SNTG1: variants seen among roughly 807,000 people sequenced by gnomAD.
SNTG1 encodes the protein gamma-1-syntrophin.
SNTG1 carries 39 observed loss-of-function variants against 74.7 expected under a neutral mutation model. The observed-to-expected ratio is 0.52, with a 90% CI of 0.40 to 0.68. The LOEUF is 0.68. Ranked by LOEUF, SNTG1 falls within the 30% of genes least tolerant of loss-of-function variation. The probability of loss-of-function intolerance (pLI) is 0.00; values close to 1 mark genes in which losing one functional copy is unlikely to be tolerated. For synonymous variants in SNTG1, 254 were observed against 217.1 expected, an observed-to-expected ratio of 1.17 and a Z score of -1.49; for missense variants, 685 against 609.5, an observed-to-expected ratio of 1.12 and a Z score of -1.30.
chr8:50,225,059 C>T (rs1179360719), intron 2 of SNTG1, among the ~76,000 whole-genome samples: 2 of 152,056 alleles, frequency 1.3e-5, no homozygotes, highest in African/African-American at 4.8e-5. Flanking sequence ...CAAGCTCTGC[C>T]TCCTGGGTTC....
chr8:50,020,424 CA>C (rs1012039734), intron 1 of SNTG1, among the ~76,000 whole-genome samples: 1 of 152,086 alleles, frequency 6.6e-6, no homozygotes, highest in Admixed American at 6.6e-5. Context: ...CAAGCACAGC[CA>C]AGCCAAGTTT....
intron 13 of SNTG1, among the ~76,000 whole-genome samples, chr8:50,645,988 G>A (rs1227162985): frequency 1.3e-5 from 2 of 152,000 alleles, no homozygotes; most frequent in Non-Finnish European, 2.9e-5. Context: ...TAACATTGCA[G>A]CACTTTGTAA....
intron 1 of SNTG1, among the ~76,000 whole-genome samples, chr8:50,144,664 T>C (rs1008704506): frequency 6.6e-6 from 1 of 152,052 alleles, no homozygotes; most frequent in Non-Finnish European, 1.5e-5. Context: ...ATGCTTCCAT[T>C]TGCACTGCAG....
chr8:50,304,016 G>C (rs966168676), intron 2 of SNTG1, among the ~76,000 whole-genome samples: 1 of 152,132 alleles, frequency 6.6e-6, no homozygotes, highest in Non-Finnish European at 1.5e-5. Flanking sequence ...CACTGGCTCT[G>C]TGCTATTGTT....
intron 12 of SNTG1, 92 bp downstream of exon 12, chr8:50,553,271 GTTC>G (rs1284024393): frequency 2.0e-6 from 3 of 1,486,742 alleles, no homozygotes; most frequent in African/African-American, 2.8e-5. Context: ...ACTGTTTGGT[GTTC>G]TTCTCAGAAT....
At chr8:50,670,866 C>A (rs2095277949) in intron 15 of SNTG1, among the ~76,000 whole-genome samples, 1 of 151,586 alleles carries the variant, frequency 6.6e-6, no homozygotes, top group Non-Finnish European at 1.5e-5. Flanking sequence ...TGGAACAGAA[C>A]AGAGCCCTCA....
chr8:50,109,309 C>T lies in SNTG1; in HGVS notation c.-102-63252C>T, dbSNP rs2080493816. 2.6e-5 allele frequency among the ~76,000 whole-genome samples: 4 copies of T among 152,306 alleles called. No individual in the cohort carries two copies. The South Asian group carries it at 6.2e-4, about 24-fold the overall frequency. On this transcript the variant is annotated intron_variant, in intron 1 of 18. Transcript: ENST00000642720. ...ACAAGGATACAATTAATACCTAATT[C>T]ATGAGAATTTTTTAGCAGATGCAAT...
intron 1 of SNTG1, among the ~76,000 whole-genome samples, chr8:49,944,644 G>A (rs1809001954): frequency 6.7e-6 from 1 of 150,108 alleles, no homozygotes; most frequent in South Asian, 2.1e-4. Context: ...CGAGTTAATG[G>A]GTGCAGCACA....
chr8:50,214,697 A>G (rs2084693217), intron 2 of SNTG1, among the ~76,000 whole-genome samples: 1 of 152,156 alleles, frequency 6.6e-6, no homozygotes. Context: ...TACTAAGCCT[A>G]TATCTCTAAT....
At chr8:50,369,758 C>CTG (rs1024388729) in intron 2 of SNTG1, among the ~76,000 whole-genome samples, 1 of 152,130 alleles carries the variant, frequency 6.6e-6, no homozygotes, top group African/African-American at 2.4e-5. Flanking sequence ...GCCTCCAGAA[C>CTG]TGTGAGTGAT....
At chr8:50,629,695 G>T (rs1035040208) in intron 13 of SNTG1, among the ~76,000 whole-genome samples, 1 of 151,996 alleles carries the variant, frequency 6.6e-6, no homozygotes, top group Non-Finnish European at 1.5e-5. Flanking sequence ...CTCTCCTCTT[G>T]TTACACCTCT....
At chr8:50,591,816 G>C (rs149883120) in intron 13 of SNTG1, among the ~76,000 whole-genome samples, 6 of 152,286 alleles carry the variant, frequency 3.9e-5, no homozygotes, top group African/African-American at 1.4e-4. Context: ...CAGCTCCAGA[G>C]GTCCCCTCCC....
chr8:50,004,844 T>C (rs1490469414), intron 1 of SNTG1, among the ~76,000 whole-genome samples: 1 of 152,114 alleles, frequency 6.6e-6, no homozygotes, highest in Admixed American at 6.6e-5. Flanking sequence ...AGCATTAGAA[T>C]GAACCCGACA....
intron 8 of SNTG1, among the ~76,000 whole-genome samples, chr8:50,476,883 C>CAA (rs1458767706): frequency 1.3e-5 from 2 of 151,630 alleles, no homozygotes; most frequent in African/African-American, 4.9e-5. Flanking sequence ...CACACACACA[C>CAA]ACAGAGGGAT....
At chr8:50,668,957 T>C (rs936932481) in intron 15 of SNTG1, among the ~76,000 whole-genome samples, 2 of 152,068 alleles carry the variant, frequency 1.3e-5, no homozygotes, top group Non-Finnish European at 2.9e-5. Flanking sequence ...GCATGTGTCT[T>C]TATAGCTGAA....
At chr8:50,339,361 G>T (rs2091249399) in intron 2 of SNTG1, among the ~76,000 whole-genome samples, 1 of 151,800 alleles carries the variant, frequency 6.6e-6, no homozygotes, top group Non-Finnish European at 1.5e-5. Context: ...TTAAAAAAGA[G>T]AATTAAAAAA....
At chr8:50,099,374 A>G (rs1409018368) in intron 1 of SNTG1, among the ~76,000 whole-genome samples, 2 of 152,142 alleles carry the variant, frequency 1.3e-5, no homozygotes, top group South Asian at 4.1e-4. Context: ...TGATTATTCA[A>G]GAACATTGAT....
At chr8:50,042,770 C>T (rs1818750356) in intron 1 of SNTG1, among the ~76,000 whole-genome samples, 1 of 151,762 alleles carries the variant, frequency 6.6e-6, no homozygotes, top group South Asian at 2.1e-4. Flanking sequence ...GCATTGTTCC[C>T]CAGACTAGTC....
At chr8:50,005,725 T>C (rs1815157464) in intron 1 of SNTG1, among the ~76,000 whole-genome samples, 1 of 152,064 alleles carries the variant, frequency 6.6e-6, no homozygotes, top group Non-Finnish European at 1.5e-5. Flanking sequence ...AAACCCTCCA[T>C]GTGATAAAAT....
Sources: gnomAD v4.1 joint callset for allele counts (sites outside exome capture counted in the v4.1 genomes callset) on GRCh38, gnomAD v4.1.1 for gene constraint, MANE v1.5 for transcripts, NCBI Gene and HGNC (gene_info 2026-07-23, HGNC 2026-07-21) for gene names.